The following SPRED2 variants were observed in gnomAD, a reference collection of about 807,000 sequenced individuals.
SPRED2 encodes sprouty-related, EVH1 domain-containing protein 2.
A neutral mutation model predicts 43.0 loss-of-function variants in SPRED2; 47 were observed. The ratio of observed to expected loss-of-function variants is 1.09; its 90% confidence interval spans 0.87 to 1.40. The LOEUF is 1.40. SPRED2 is among the 40% of genes most tolerant of loss of function. The pLI, the probability that SPRED2 is intolerant of heterozygous loss-of-function variation, is 0.00. For synonymous variants in SPRED2, 225 were observed against 225.7 expected, an observed-to-expected ratio of 1.00 and a Z score of 0.03; for missense variants, 561 against 586.4, an observed-to-expected ratio of 0.96 and a Z score of 0.45.
chr2:65,354,750 C>T (rs79076549), intron 1 of SPRED2, among the ~76,000 whole-genome samples: 3,313 of 151,998 alleles, frequency 0.022, 77 homozygotes, highest in Non-Finnish European at 0.029. Flanking sequence ...AATTGGGACA[C>T]AATAAAGGTT....
intron 1 of SPRED2, among the ~76,000 whole-genome samples, chr2:65,354,646 T>G (rs190561656): frequency 9.7e-4 from 113 of 116,684 alleles, no homozygotes; most frequent in African/African-American, 2.8e-3. Flanking sequence ...TATTTGTTGG[T>G]TTTTTTTTTT....
In SPRED2 at chr2:65,311,642, G is replaced by A. The variant is rs1673070691; in HGVS notation, c.*1859C>T. 8.1e-6 allele frequency: 8 copies of A among 985,780 alleles called. No homozygotes were observed. Among genetic ancestry groups the A allele is most frequent in the Non-Finnish European group, 9.6e-6 (8 of 829,944 alleles). The allele number at this position is 985,780 out of a possible 1,614,324, so 61.1% of individuals were successfully genotyped here. A position where few individuals can be genotyped will look rare whatever the true frequency, so the allele number is the denominator to read the frequency against. On this transcript the variant is annotated 3_prime_UTR_variant, in exon 6 of 6. Coordinates refer to ENST00000356388, the MANE Select transcript of SPRED2 (RefSeq NM_181784.3). ...CTAGATGTTCTCCAGGCATGGATGA[G>A]GTTCTCTTTTCTTCCATCAATCCAG... is the stretch of plus-strand genomic sequence containing the variant.
intron 1 of SPRED2, among the ~76,000 whole-genome samples, chr2:65,386,367 G>C (rs1253009810): frequency 6.6e-6 from 1 of 151,534 alleles, no homozygotes; most frequent in African/African-American, 2.4e-5. Flanking sequence ...ACCCCAGCAG[G>C]GCATTCAGCA....
At chr2:65,387,896 G>A (rs1201638454) in intron 1 of SPRED2, among the ~76,000 whole-genome samples, 3 of 151,744 alleles carry the variant, frequency 2.0e-5, no homozygotes, top group African/African-American at 4.8e-5. Context: ...ACATTCAAGC[G>A]ATTCTCCTGC....
intron 4 of SPRED2, among the ~76,000 whole-genome samples, chr2:65,318,183 C>T (rs1233949245): frequency 1.3e-5 from 2 of 152,152 alleles, no homozygotes; most frequent in Admixed American, 1.3e-4. Context: ...CCACCATCCG[C>T]GTAAGATGTG....
In SPRED2 at chr2:65,312,834, T is replaced by C. The variant is rs936738317; in HGVS notation, c.*667A>G. ...TGCATCAGTGAATCATTTCAACAGA[T>C]TTTGGGGGGGCAGAAAATGATGATG... On this transcript the variant is annotated 3_prime_UTR_variant, in exon 6 of 6. Coordinates refer to ENST00000356388, the MANE Select transcript of SPRED2 (RefSeq NM_181784.3). 2 of 985,672 alleles carry C rather than the reference T, an allele frequency of 2.0e-6. No homozygotes were observed. Among genetic ancestry groups the C allele is most frequent in the East Asian group, 1.1e-4 (1 of 8,828 alleles). 61.1% of individuals were successfully genotyped at this position (985,672 alleles called of 1,614,324 possible). A position where few individuals can be genotyped will look rare whatever the true frequency, so the allele number is the denominator to read the frequency against.
At chr2:65,315,412 G>A (rs191935780) in intron 5 of SPRED2, among the ~76,000 whole-genome samples, 6 of 152,248 alleles carry the variant, frequency 3.9e-5, no homozygotes, top group East Asian at 3.9e-4. Flanking sequence ...ATATTGTTAC[G>A]GACTTGATCA....
At chr2:65,324,198 T>TA in intron 4 of SPRED2, among the ~76,000 whole-genome samples, 1 of 152,250 alleles carries the variant, frequency 6.6e-6, no homozygotes, top group African/African-American at 2.4e-5. Flanking sequence ...CCAGATTCTA[T>TA]AGACACAGGC....
At chr2:65,426,797 G>T (rs1056700506) in intron 1 of SPRED2, among the ~76,000 whole-genome samples, 14 of 152,144 alleles carry the variant, frequency 9.2e-5, no homozygotes, top group African/African-American at 3.4e-4. Context: ...AACAGTTTTG[G>T]GTATTGCTAC....
rs190562297 is a variant in SPRED2 at position 65,406,933 on chromosome 2, T to C, written c.26+25029A>G. Among the ~76,000 whole-genome samples the C allele has an allele frequency of 6.2e-4, 83 of 132,926 alleles. 1 individual carries two copies. The East Asian group carries it at 0.011, about 18-fold the overall frequency. The allele number at this position is 132,926 out of a possible 152,430, so 87.2% of individuals were successfully genotyped here. A position where few individuals can be genotyped will look rare whatever the true frequency, so the allele number is the denominator to read the frequency against. On this transcript the variant is annotated intron_variant, in intron 1 of 5. Coordinates refer to ENST00000356388, the MANE Select transcript of SPRED2 (RefSeq NM_181784.3). The stretch of plus-strand genomic sequence containing the variant: ...GGACAGTGGAAAGTTTAGTCTCTCT[T>C]TTTTTTTTTTTTTGAGACGGAGTCT...
intron 2 of SPRED2, among the ~76,000 whole-genome samples, chr2:65,340,685 T>C (rs1674150115): frequency 6.6e-6 from 1 of 152,224 alleles, no homozygotes; most frequent in Non-Finnish European, 1.5e-5. Flanking sequence ...ACAGAGACTT[T>C]TCCCACAGAA....
chr2:65,379,405 C>A (rs1023065023), intron 1 of SPRED2, among the ~76,000 whole-genome samples: 2 of 152,144 alleles, frequency 1.3e-5, no homozygotes, highest in Non-Finnish European at 2.9e-5. Context: ...AAGGAGAATT[C>A]TCTTAGGAGG....
In SPRED2 at chr2:65,314,213, AAAAC is replaced by A. The variant is rs746973481; in HGVS notation, c.589-48_589-45del. 1.7e-4 allele frequency: 256 copies of A among 1,516,734 alleles called. 2 individuals carry two copies. The highest frequency in any genetic ancestry group is 1.1e-3 in the African/African-American group (78 of 71,956). The allele number at this position is 1,516,734 out of a possible 1,614,324, so 94.0% of individuals were successfully genotyped here. A position where few individuals can be genotyped will look rare whatever the true frequency, so the allele number is the denominator to read the frequency against. On this transcript the variant is annotated intron_variant, in intron 5 of 5. Coordinates refer to ENST00000356388, the MANE Select transcript of SPRED2 (RefSeq NM_181784.3). ...GACATTATTTTACAGCAGCGGCCAA[AAAAC>A]AAACAAACAAAAAAACACCCCACCT...
chr2:65,378,605 A>C (rs1675300177), intron 1 of SPRED2, among the ~76,000 whole-genome samples: 1 of 152,234 alleles, frequency 6.6e-6, no homozygotes, highest in Admixed American at 6.5e-5. Context: ...ACTAGTGACC[A>C]GAACAGGCAG....
intron 1 of SPRED2, among the ~76,000 whole-genome samples, chr2:65,347,091 C>T (rs576099147): frequency 3.3e-5 from 5 of 152,200 alleles, no homozygotes; most frequent in East Asian, 1.9e-4. Context: ...TCCTGCTCTC[C>T]GACCACCTCG....
At chr2:65,316,609 G>A (rs1178466284) in intron 5 of SPRED2, 125 bp downstream of exon 5, 3 of 1,162,670 alleles carry the variant, frequency 2.6e-6, no homozygotes, top group Non-Finnish European at 2.4e-6. Flanking sequence ...ATATGAAGTG[G>A]GGGTAAAGGC....
intron 1 of SPRED2, among the ~76,000 whole-genome samples, chr2:65,376,670 C>T (rs1276152947): frequency 6.6e-6 from 1 of 152,074 alleles, no homozygotes; most frequent in African/African-American, 2.4e-5. Flanking sequence ...GTAGCAAGCA[C>T]GTTATTCACA....
At position 65,334,726 on chromosome 2, in the gene SPRED2, G is replaced by C. The variant is rs1433376898; in HGVS notation, c.252C>G (p.Ala84=). The C allele has an allele frequency of 1.2e-6, 2 of 1,614,036 alleles. No homozygotes were observed. The highest frequency in any genetic ancestry group is 1.7e-6 in the Non-Finnish European group (2 of 1,180,032). Residue 84 remains alanine, a synonymous_variant, in exon 3 of 6, where the codon GCC becomes GCG. Transcript: ENST00000356388. The stretch of plus-strand genomic sequence containing the variant: ...CCTTCCAGTGATGAAACGTTGGATT[G>C]GCTTTGGTGTAGACCAAGTCCTTTC... ...YVRKDLVYTK[A]NPTFHHWKVD...
chr2:65,393,080 G>A (rs1219915930), intron 1 of SPRED2, among the ~76,000 whole-genome samples: 3 of 152,162 alleles, frequency 2.0e-5, no homozygotes, highest in African/African-American at 7.2e-5. Context: ...ACAAAAAGTT[G>A]TTGCTACAGA....
Sources: allele counts gnomAD v4.1 joint callset (sites outside exome capture counted in the v4.1 genomes callset), GRCh38; gene constraint gnomAD v4.1.1; transcripts MANE v1.5; gene names NCBI Gene and HGNC (gene_info 2026-07-23, HGNC 2026-07-21).